MIPOL1: variants seen among roughly 807,000 people sequenced by gnomAD.
The protein encoded by MIPOL1 is mirror-image polydactyly gene 1 protein.
Under a neutral mutation model 60.9 loss-of-function variants are expected in MIPOL1, and 57 were observed. That is an observed-to-expected ratio of 0.94 (90% CI 0.76 to 1.17). MIPOL1 has a LOEUF of 1.17. Ranked by LOEUF, MIPOL1 falls within the 50% of genes most tolerant of loss-of-function variation. The pLI is 0.00. For missense variants in MIPOL1, 551 were observed against 511.6 expected (o/e 1.08, Z -0.74); for synonymous variants, 179 against 168.8 (o/e 1.06, Z -0.47).
intron 11 of MIPOL1, among the ~76,000 whole-genome samples, chr14:37,462,021 CTG>C (rs1029776285): frequency 8.5e-5 from 13 of 152,218 alleles, no homozygotes; most frequent in African/African-American, 3.1e-4. Flanking sequence ...AGTAGAGACT[CTG>C]TGTAGGGGCT....
In MIPOL1 at chr14:37,508,908, C is replaced by T. The variant is rs1399429448; in HGVS notation, c.1262+8770C>T. 2.0e-5 allele frequency among the ~76,000 whole-genome samples: 3 copies of T among 152,092 alleles called. No individual in the cohort carries two copies. The East Asian group carries it at 5.8e-4, about 29-fold the overall frequency. Reference sequence around the variant, plus strand: ...ATATTTATCCTACTTGAACTCTCATCATTTAGTACTGTTCATCATTCCTTC... The same window carrying T: ...ATATTTATCCTACTTGAACTCTCATTATTTAGTACTGTTCATCATTCCTTC... On this transcript the variant is annotated intron_variant, in intron 12 of 12. Transcript: ENST00000684589.
At chr14:37,501,532 A>T (rs1335679668) in intron 12 of MIPOL1, 3 of 152,204 alleles carry the variant, frequency 2.0e-5, no homozygotes, top group Admixed American at 6.5e-5. Flanking sequence ...ATCAACTATC[A>T]TCATCATTTC....
chr14:37,405,893 T>C (rs2093578002), intron 10 of MIPOL1, among the ~76,000 whole-genome samples: 2 of 142,118 alleles, frequency 1.4e-5, no homozygotes, highest in Non-Finnish European at 3.0e-5. Context: ...ATTTTCCTTT[T>C]TTAAGAGTTT....
At chr14:37,268,934 C>A (rs573676287) in intron 5 of MIPOL1, 141 bp downstream of exon 5, 3 of 637,442 alleles carry the variant, frequency 4.7e-6, no homozygotes, top group Admixed American at 7.3e-5. Flanking sequence ...CCATACCTTG[C>A]CATCAGGGTA....
intron 12 of MIPOL1, among the ~76,000 whole-genome samples, chr14:37,531,082 T>C (rs1391574418): frequency 6.6e-6 from 1 of 152,122 alleles, no homozygotes; most frequent in Non-Finnish European, 1.5e-5. Flanking sequence ...CCCCACAAAG[T>C]GCTGGGATTA....
intron 9 of MIPOL1, among the ~76,000 whole-genome samples, chr14:37,330,085 G>T (rs1173232301): frequency 6.6e-6 from 1 of 151,820 alleles, no homozygotes; most frequent in East Asian, 1.9e-4. Context: ...TTATAAAAAA[G>T]GAATAAGCCA....
At chr14:37,470,167 T>C (rs1360076899) in intron 11 of MIPOL1, among the ~76,000 whole-genome samples, 1 of 152,128 alleles carries the variant, frequency 6.6e-6, no homozygotes, top group African/African-American at 2.4e-5. Flanking sequence ...ATTTTAGACA[T>C]TGAATTAAGA....
intron 10 of MIPOL1, among the ~76,000 whole-genome samples, chr14:37,383,346 A>AT (rs1457292257): frequency 6.6e-6 from 1 of 151,806 alleles, no homozygotes; most frequent in Non-Finnish European, 1.5e-5. Flanking sequence ...TTGTATCAGC[A>AT]TTTTTGTCCT....
At position 37,500,093 on chromosome 14, in the gene MIPOL1, A is replaced by C. The variant is rs1343876059; in HGVS notation, c.1217A>C (p.Gln406Pro). The change falls in exon 12 of 13, where the codon CAA (glutamine) becomes CCA (proline). Residue 406 changes from glutamine (Q) to proline (P), a missense_variant. Physicochemically the swap from Gln to Pro is moderately conservative, Grantham distance 76. Coordinates refer to ENST00000684589, the MANE Select transcript of MIPOL1 (RefSeq NM_001388067.1). ...TERANMELQL[Q>P]HAREASQVAN... is the part of the protein sequence containing the mutation. ...CGAGCAAATATGGAATTACAACTTC[A>C]ACATGCCAGAGAGGCCTCCCAAGTG... 6.2e-7 allele frequency: 1 copy of C among 1,613,792 alleles called. No homozygotes were observed. Among genetic ancestry groups the C allele is most frequent in the Admixed American group, 1.7e-5 (1 of 59,942 alleles).
intron 7 of MIPOL1, among the ~76,000 whole-genome samples, chr14:37,295,389 G>T (rs1486192504): frequency 1.3e-5 from 2 of 152,180 alleles, no homozygotes; most frequent in African/African-American, 2.4e-5. Flanking sequence ...GGAAGAAACT[G>T]CATCAACTAA....
chr14:37,460,554 A>G (rs745445422), intron 11 of MIPOL1, among the ~76,000 whole-genome samples: 9 of 152,256 alleles, frequency 5.9e-5, no homozygotes, highest in Non-Finnish European at 1.2e-4. Flanking sequence ...AAATTGGAAA[A>G]GAGGAAATTA....
chr14:37,379,781 A>C (rs1016256141), intron 10 of MIPOL1, among the ~76,000 whole-genome samples: 1 of 152,024 alleles, frequency 6.6e-6, no homozygotes, highest in Non-Finnish European at 1.5e-5. Context: ...TTTTTTGAGG[A>C]GCTCAGTTAT....
Position 37,287,688 on chromosome 14 carries a change from G to A in MIPOL1, c.623+2241G>A, listed in dbSNP as rs112602763. Among the ~76,000 whole-genome samples the A allele has an allele frequency of 2.3e-3, 344 of 152,116 alleles. 2 individuals are homozygous for A. The highest frequency in any genetic ancestry group is 7.8e-3 in the African/African-American group (322 of 41,498). ...TTCATGCAATATTTTCTCTCAATAA[G>A]CTATATTAATTTTCTAAAAGCTCTT... On this transcript the variant is annotated intron_variant, in intron 7 of 12. Coordinates refer to ENST00000684589, the MANE Select transcript of MIPOL1 (RefSeq NM_001388067.1).
intron 7 of MIPOL1, among the ~76,000 whole-genome samples, chr14:37,295,821 A>G (rs2085605905): frequency 1.3e-5 from 2 of 152,214 alleles, no homozygotes. Flanking sequence ...TTAGTGACCT[A>G]CAAAATGACT....
chr14:37,430,574 C>G (rs1428722403), intron 11 of MIPOL1, among the ~76,000 whole-genome samples: 1 of 151,032 alleles, frequency 6.6e-6, no homozygotes, highest in Non-Finnish European at 1.5e-5. Context: ...AAGCATTTGT[C>G]TCTTCTTCCT....
At chr14:37,497,583 A>G (rs140007847) in intron 11 of MIPOL1, among the ~76,000 whole-genome samples, 52 of 152,320 alleles carry the variant, frequency 3.4e-4, no homozygotes, top group Non-Finnish European at 4.0e-4. Flanking sequence ...GCATATGCCC[A>G]TAGTCCGAGC....
intron 11 of MIPOL1, among the ~76,000 whole-genome samples, chr14:37,484,070 A>G (rs2153600557): frequency 6.6e-6 from 1 of 152,350 alleles, no homozygotes; most frequent in South Asian, 2.1e-4. Flanking sequence ...TAGTATATAT[A>G]TCCAATGCAA....
At chr14:37,396,124 T>G (rs1566516693) in intron 10 of MIPOL1, among the ~76,000 whole-genome samples, 1 of 152,146 alleles carries the variant, frequency 6.6e-6, no homozygotes, top group Non-Finnish European at 1.5e-5. Context: ...TTTGATGTGT[T>G]TCCAGGATTT....
At chr14:37,438,801 C>T (rs2094200308) in intron 11 of MIPOL1, among the ~76,000 whole-genome samples, 1 of 152,116 alleles carries the variant, frequency 6.6e-6, no homozygotes, top group Non-Finnish European at 1.5e-5. Context: ...TTTTTTTGAA[C>T]CTTTAAGCTC....
Sources: allele counts gnomAD v4.1 joint callset (sites outside exome capture counted in the v4.1 genomes callset), GRCh38; gene constraint gnomAD v4.1.1; transcripts MANE v1.5; gene names NCBI Gene and HGNC (gene_info 2026-07-23, HGNC 2026-07-21).